POU2AF2: variants seen among roughly 807,000 people sequenced by gnomAD.
The protein encoded by POU2AF2 is POU domain class 2-associating factor 2.
At chr11:111,246,230 T>C in the POU2AF2 span, among the ~76,000 whole-genome samples, 1 of 152,328 alleles carries the variant, frequency 6.6e-6, no homozygotes, top group South Asian at 2.1e-4. Flanking sequence ...AGCTCTCAAC[T>C]ATAGAGAAAG....
At chr11:111,268,428 C>T in the POU2AF2 span, among the ~76,000 whole-genome samples, 1 of 151,600 alleles carries the variant, frequency 6.6e-6, no homozygotes, top group African/African-American at 2.4e-5. Context: ...AGCAAATGGG[C>T]ATCAGGTGGC....
chr11:111,272,163 A>G, the POU2AF2 span, among the ~76,000 whole-genome samples: 8 of 152,174 alleles, frequency 5.3e-5, no homozygotes, highest in African/African-American at 9.7e-5. Context: ...TCCAGCAACA[A>G]TAGCCCTTAA....
At chr11:111,263,193 T>A in the POU2AF2 span, among the ~76,000 whole-genome samples, 1 of 152,340 alleles carries the variant, frequency 6.6e-6, no homozygotes. Context: ...TATTCACTTT[T>A]AAGACTTAAA....
At chr11:111,267,979 A>G in the POU2AF2 span, among the ~76,000 whole-genome samples, 1 of 152,232 alleles carries the variant, frequency 6.6e-6, no homozygotes, top group Non-Finnish European at 1.5e-5. Context: ...GTAGAAATCT[A>G]ATACCATACT....
the POU2AF2 span, among the ~76,000 whole-genome samples, chr11:111,276,746 C>T: frequency 2.3e-5 from 3 of 132,616 alleles, no homozygotes; most frequent in African/African-American, 8.0e-5. Context: ...CTTCAAAGTG[C>T]TAAGAAAAAA....
chr11:111,275,115 G>A, the POU2AF2 span, among the ~76,000 whole-genome samples: 1 of 152,126 alleles, frequency 6.6e-6, no homozygotes, highest in Non-Finnish European at 1.5e-5. Flanking sequence ...GGAAAATGTT[G>A]GGAGTCATGG....
the POU2AF2 span, among the ~76,000 whole-genome samples, chr11:111,260,645 C>A: frequency 2.0e-5 from 3 of 152,164 alleles, no homozygotes; most frequent in African/African-American, 7.2e-5. Context: ...CCACCAGAAG[C>A]TTGAAAAAGC....
At chr11:111,253,332 A>G in the POU2AF2 span, among the ~76,000 whole-genome samples, 3 of 152,242 alleles carry the variant, frequency 2.0e-5, no homozygotes, top group East Asian at 1.9e-4. Flanking sequence ...CCAGGTGCTC[A>G]TTATTCTTTT....
chr11:111,260,030 A>G, the POU2AF2 span, among the ~76,000 whole-genome samples: 1 of 152,316 alleles, frequency 6.6e-6, no homozygotes, highest in South Asian at 2.1e-4. Flanking sequence ...CAAGGATATC[A>G]TATGCATTAG....
At chr11:111,271,630 C>T in the POU2AF2 span, among the ~76,000 whole-genome samples, 1 of 152,044 alleles carries the variant, frequency 6.6e-6, no homozygotes, top group Admixed American at 6.6e-5. Flanking sequence ...CACTGTCTTG[C>T]CCAGGCTAGT....
chr11:111,278,386 C>A, the POU2AF2 span, among the ~76,000 whole-genome samples: 73 of 152,314 alleles, frequency 4.8e-4, no homozygotes, highest in African/African-American at 1.7e-3. Flanking sequence ...TTACAGATTG[C>A]AATTGCACGT....
chr11:111,282,528 T>A, the POU2AF2 span, among the ~76,000 whole-genome samples: 2 of 152,268 alleles, frequency 1.3e-5, no homozygotes, highest in Non-Finnish European at 2.9e-5. Context: ...CATGCCATTC[T>A]TGAACACAAT....
chr11:111,281,643 C>T, the POU2AF2 span, among the ~76,000 whole-genome samples: 3 of 152,252 alleles, frequency 2.0e-5, no homozygotes, highest in South Asian at 6.2e-4. Context: ...GAAAGCAGCC[C>T]TTTTATCCCA....
the POU2AF2 span, among the ~76,000 whole-genome samples, chr11:111,277,092 A>G: frequency 6.6e-6 from 1 of 152,234 alleles, no homozygotes; most frequent in African/African-American, 2.4e-5. Flanking sequence ...AGAATAGCAC[A>G]CCCATAAATT....
At chr11:111,276,453 A>AAAATATATATATAT in the POU2AF2 span, among the ~76,000 whole-genome samples, 126 of 37,422 alleles carry the variant, frequency 3.4e-3, no homozygotes, top group Non-Finnish European at 4.8e-3. Context: ...AAAAAAAAAA[A>AAAATATATATATAT]ATATATATAT....
the POU2AF2 span, among the ~76,000 whole-genome samples, chr11:111,260,005 A>G: frequency 1.3e-5 from 2 of 152,210 alleles, no homozygotes; most frequent in Non-Finnish European, 2.9e-5. Context: ...ACTACTCTAG[A>G]ATATCTGTAA....
At chr11:111,279,183 T>C in the POU2AF2 span, among the ~76,000 whole-genome samples, 2 of 152,186 alleles carry the variant, frequency 1.3e-5, no homozygotes, top group Admixed American at 1.3e-4. Flanking sequence ...GAGGTCAGCT[T>C]AGGCACTGCA....
chr11:111,264,186 A>G, the POU2AF2 span, among the ~76,000 whole-genome samples: 2 of 152,104 alleles, frequency 1.3e-5, no homozygotes, highest in South Asian at 4.2e-4. Flanking sequence ...GCAAAGCATG[A>G]AGCAGGTAGG....
the POU2AF2 span, among the ~76,000 whole-genome samples, chr11:111,261,560 C>G: frequency 2.6e-5 from 4 of 152,014 alleles, no homozygotes; most frequent in Admixed American, 1.3e-4. Context: ...TATACATCAG[C>G]TGACATGAGG....
Sources: gnomAD v4.1 joint callset for allele counts (sites outside exome capture counted in the v4.1 genomes callset) on GRCh38, gnomAD v4.1.1 for gene constraint, MANE v1.5 for transcripts, NCBI Gene and HGNC (gene_info 2026-07-23, HGNC 2026-07-21) for gene names.